Variants in NTRK3 observed in about 807,000 individuals in gnomAD.
NTRK3 encodes NT-3 growth factor receptor.
Under a neutral mutation model 91.7 loss-of-function variants are expected in NTRK3, and 24 were observed. The ratio of observed to expected loss-of-function variants is 0.26; its 90% CI spans 0.19 to 0.37. The LOEUF (loss-of-function observed/expected upper bound fraction) is 0.37, where lower values mean the gene tolerates loss of function less well. NTRK3 is among the 10% of genes least tolerant of loss of function. The pLI is 1.00. For synonymous variants in NTRK3, 483 were observed against 404.0 expected, an observed-to-expected ratio of 1.20 and a Z score of -2.34; for missense variants, 880 against 1,068.9, an observed-to-expected ratio of 0.82 and a Z score of 2.46.
At chr15:88,191,629 C>T (rs1447422778) in intron 3 of NTRK3, among the ~76,000 whole-genome samples, 1 of 152,244 alleles carries the variant, frequency 6.6e-6, no homozygotes, top group African/African-American at 2.4e-5. Flanking sequence ...TGCACACACA[C>T]GCACAATGTG....
intron 13 of NTRK3, among the ~76,000 whole-genome samples, chr15:88,104,801 AAGG>A (rs1221771415): frequency 2.5e-4 from 38 of 152,352 alleles, no homozygotes; most frequent in African/African-American, 8.9e-4. Context: ...GGGAGATGGA[AAGG>A]AGAACAGAGG....
At chr15:87,944,604 GCT>G (rs751377697) in intron 14 of NTRK3, among the ~76,000 whole-genome samples, 15 of 152,254 alleles carry the variant, frequency 9.9e-5, no homozygotes, top group Middle Eastern at 3.4e-3. Context: ...GGCTGCCTTC[GCT>G]CTGTCTTCCC....
chr15:88,033,775 C>A (rs1455718305), intron 13 of NTRK3, among the ~76,000 whole-genome samples: 1 of 152,182 alleles, frequency 6.6e-6, no homozygotes, highest in African/African-American at 2.4e-5. Flanking sequence ...CTGGCATAAA[C>A]TATTTTCACT....
At chr15:87,890,674 G>T (rs565468644) in intron 17 of NTRK3, among the ~76,000 whole-genome samples, 1 of 152,096 alleles carries the variant, frequency 6.6e-6, no homozygotes, top group East Asian at 1.9e-4. Flanking sequence ...TCATCTTTGG[G>T]AAATGAAATC....
intron 14 of NTRK3, among the ~76,000 whole-genome samples, chr15:87,987,768 C>A (rs1351380623): frequency 3.3e-5 from 5 of 151,862 alleles, no homozygotes; most frequent in Non-Finnish European, 5.9e-5. Flanking sequence ...TTTTCCTCCT[C>A]AATGTCAGGA....
intron 3 of NTRK3, among the ~76,000 whole-genome samples, chr15:88,254,909 C>T (rs1875464226): frequency 2.0e-5 from 3 of 152,140 alleles, no homozygotes; most frequent in Non-Finnish European, 1.5e-5. Context: ...TGGCCGAGGT[C>T]AACGAAAGAA....
At chr15:88,106,086 A>G (rs1259929154) in intron 13 of NTRK3, among the ~76,000 whole-genome samples, 3 of 152,150 alleles carry the variant, frequency 2.0e-5, no homozygotes, top group Non-Finnish European at 2.9e-5. Context: ...AAGATTACAT[A>G]TTTTCATTGG....
Position 87,908,606 on chromosome 15 carries a change from A to G in NTRK3, c.2133+20585T>C. ...GAGAGAGTGGGAAGGGGGAGAGAGA[A>G]GAAAAGGGATGAAGGGAGAGGAAGG... On this transcript the variant is annotated intron_variant, in intron 17 of 18. Coordinates refer to ENST00000394480, the Ensembl canonical transcript of NTRK3. 1.0e-5 allele frequency: 4 copies of G among 399,526 alleles called. No homozygotes were observed. The East Asian group carries it at 1.4e-4, about 14-fold the overall frequency. The allele number at this position is 399,526 out of a possible 1,614,324, so 24.7% of individuals were successfully genotyped here. A position where few individuals can be genotyped will look rare whatever the true frequency, so the allele number is the denominator to read the frequency against.
chr15:88,143,942 G>A (rs1449983583), intron 6 of NTRK3: 1 of 152,198 alleles, frequency 6.6e-6, no homozygotes, highest in Non-Finnish European at 1.5e-5. Context: ...GGTATTCAGA[G>A]AAGCCTGTTC....
At chr15:88,163,857 C>T (rs551962494) in intron 5 of NTRK3, among the ~76,000 whole-genome samples, 15 of 152,298 alleles carry the variant, frequency 9.8e-5, no homozygotes, top group African/African-American at 3.6e-4. Flanking sequence ...AAGTGTCCCA[C>T]TTTGGACAAT....
chr15:88,067,397 T>C (rs2046744872), intron 13 of NTRK3, among the ~76,000 whole-genome samples: 1 of 152,224 alleles, frequency 6.6e-6, no homozygotes, highest in Admixed American at 6.5e-5. Flanking sequence ...TGGATCTATT[T>C]TCATGTCTCT....
At chr15:88,015,645 C>T (rs182169861) in intron 14 of NTRK3, among the ~76,000 whole-genome samples, 41 of 152,282 alleles carry the variant, frequency 2.7e-4, no homozygotes, top group Non-Finnish European at 5.1e-4. Flanking sequence ...GAACTGTTTC[C>T]TGGCCTGTCT....
At chr15:88,225,933 C>T (rs771983280) in intron 3 of NTRK3, among the ~76,000 whole-genome samples, 41 of 152,194 alleles carry the variant, frequency 2.7e-4, no homozygotes, top group Non-Finnish European at 5.0e-4. Flanking sequence ...TGCCTCTGGC[C>T]CTGATCTGCT....
chr15:88,173,133 C>T (rs2045676892), intron 5 of NTRK3, among the ~76,000 whole-genome samples: 1 of 152,134 alleles, frequency 6.6e-6, no homozygotes. Context: ...ATAAAGGCGC[C>T]ACTCAGTGTT....
At chr15:88,246,459 G>A (rs930303513) in intron 3 of NTRK3, among the ~76,000 whole-genome samples, 20 of 152,170 alleles carry the variant, frequency 1.3e-4, no homozygotes, top group African/African-American at 4.6e-4. Context: ...CAGGGAGAGG[G>A]GAGAGATTCC....
chr15:87,947,905 G>T (rs2070731314), intron 14 of NTRK3, among the ~76,000 whole-genome samples: 1 of 152,090 alleles, frequency 6.6e-6, no homozygotes, highest in Non-Finnish European at 1.5e-5. Flanking sequence ...GTTTGAAGTG[G>T]CAGGAGGGAG....
chr15:87,981,122 C>T (rs2141368524), intron 14 of NTRK3: 1 of 1,535,220 alleles, frequency 6.5e-7, no homozygotes, highest in Non-Finnish European at 8.8e-7. Context: ...TACCTCAGTC[C>T]ACGAAATATA....
At chr15:88,106,938 G>GT (rs2050773545) in intron 13 of NTRK3, among the ~76,000 whole-genome samples, 1 of 137,032 alleles carries the variant, frequency 7.3e-6, no homozygotes, top group Non-Finnish European at 1.6e-5. Context: ...GTCTCAAAAA[G>GT]TAAAAAAAAA....
chr15:87,879,863 C>G (rs1019292915), intron 18 of NTRK3, among the ~76,000 whole-genome samples: 4 of 152,150 alleles, frequency 2.6e-5, no homozygotes, highest in African/African-American at 9.7e-5. Context: ...TCTGGTACAT[C>G]CCTGGGCTTG....
Sources: gnomAD v4.1 joint callset for allele counts (sites outside exome capture counted in the v4.1 genomes callset) on GRCh38, gnomAD v4.1.1 for gene constraint, MANE v1.5 for transcripts, NCBI Gene and HGNC (gene_info 2026-07-23, HGNC 2026-07-21) for gene names.